ANKFN1: variants seen among roughly 807,000 people sequenced by gnomAD.
ANKFN1 encodes ankyrin repeat and fibronectin type III domain containing 1, also known as ankyrin repeat and fibronectin type-III domain-containing protein 1.
A neutral mutation model predicts 108.7 loss-of-function variants in ANKFN1; 74 were observed. That is an observed-to-expected ratio of 0.68 (90% confidence interval 0.56 to 0.83). The LOEUF (loss-of-function observed/expected upper bound fraction) is 0.83. ANKFN1 is among the 40% of genes least tolerant of loss of function. ANKFN1 has a pLI of 0.00. For synonymous variants in ANKFN1, 547 were observed against 516.2 expected (o/e 1.06, Z -0.81); for missense variants, 1,505 against 1,382.3 (o/e 1.09, Z -1.41).
intron 18 of ANKFN1, among the ~76,000 whole-genome samples, chr17:56,491,043 G>A (rs2051021475): frequency 6.6e-6 from 1 of 152,096 alleles, no homozygotes; most frequent in Non-Finnish European, 1.5e-5. Flanking sequence ...GTGTAGAGAT[G>A]ACCAATGCCC....
At chr17:56,291,304 A>G (rs115457668) in intron 3 of ANKFN1, among the ~76,000 whole-genome samples, 3,176 of 152,226 alleles carry the variant, frequency 0.021, 129 homozygotes, top group African/African-American at 0.071. Flanking sequence ...TTGACTAAAC[A>G]TATGGGATTG....
intron 20 of ANKFN1, among the ~76,000 whole-genome samples, chr17:56,504,864 G>T (rs1340156412): frequency 6.7e-6 from 1 of 149,058 alleles, no homozygotes; most frequent in Non-Finnish European, 1.5e-5. Flanking sequence ...GTAAACACAG[G>T]GTTGCATCAG....
chr17:56,418,874 C>A (rs2048316950), intron 8 of ANKFN1, among the ~76,000 whole-genome samples: 1 of 151,652 alleles, frequency 6.6e-6, no homozygotes, highest in South Asian at 2.1e-4. Context: ...GGTTAATGCA[C>A]CTTGCCCAGG....
Position 56,401,368 on chromosome 17 carries a change from A to ATTGTATTGTATTGTG in ANKFN1, c.910+26658_910+26659insATTGTATTGTGTTGT, listed in dbSNP as rs55888620. 1.8e-3 allele frequency among the ~76,000 whole-genome samples: 246 copies of ATTGTATTGTATTGTG among 135,606 alleles called. 1 individual carries two copies. Among genetic ancestry groups the ATTGTATTGTATTGTG allele is most frequent in the East Asian group, 2.6e-3 (12 of 4,544 alleles). The allele number at this position is 135,606 out of a possible 152,430, so 89.0% of individuals were successfully genotyped here. On this transcript the variant is annotated intron_variant, in intron 8 of 20. Coordinates refer to ENST00000682825, the MANE Select transcript of ANKFN1 (RefSeq NM_001370326.1). ...ATTGTATTGTATTGTATTGTATTGT[A>ATTGTATTGTATTGTG]TTGTGTTGTGTTGTGTTGTGTTGTG...
At chr17:56,129,871 TTTTA>T (rs1907174063) in intron 4 of ANKFN1, among the ~76,000 whole-genome samples, 1 of 152,224 alleles carries the variant, frequency 6.6e-6, no homozygotes. Context: ...AAATTCATGC[TTTTA>T]TTAGTCAAAA....
At chr17:56,069,498 G>C (rs1001345349) in intron 4 of ANKFN1, among the ~76,000 whole-genome samples, 11 of 152,156 alleles carry the variant, frequency 7.2e-5, no homozygotes, top group African/African-American at 2.7e-4. Flanking sequence ...CACTGAATGA[G>C]GTTATATCTC....
chr17:56,255,730 G>A (rs1050549630), intron 3 of ANKFN1, among the ~76,000 whole-genome samples: 7 of 152,150 alleles, frequency 4.6e-5, no homozygotes, highest in African/African-American at 7.2e-5. Flanking sequence ...ATTTACACAC[G>A]CTTGTTAAAT....
chr17:56,064,477 G>A (rs1905029329), intron 4 of ANKFN1, among the ~76,000 whole-genome samples: 1 of 152,202 alleles, frequency 6.6e-6, no homozygotes, highest in African/African-American at 2.4e-5. Flanking sequence ...GAGGAAGGAT[G>A]AGCCAGGGTC....
chr17:56,316,989 G>A (rs1232332033), intron 3 of ANKFN1, among the ~76,000 whole-genome samples: 4 of 152,140 alleles, frequency 2.6e-5, no homozygotes, highest in Admixed American at 1.3e-4. Context: ...AATAACACAC[G>A]TTTAAAGCAG....
At position 56,457,894 on chromosome 17, in the gene ANKFN1, T is replaced by C. The variant is rs752588697; in HGVS notation, c.1472T>C (p.Leu491Pro). Residue 491 changes from leucine to proline, a missense_variant, in exon 14 of 21, where the codon CTG becomes CCG. By Grantham distance (98) the Leu-to-Pro change is moderately conservative. Coordinates refer to ENST00000682825, the MANE Select transcript of ANKFN1 (RefSeq NM_001370326.1). ...LSCMWEDIRW[L>P]RQSIPISSSS... ...TGTATGTGGGAAGATATAAGGTGGC[T>C]GAGGCAAAGCATACCAATATCCTCA... The C allele has an allele frequency of 2.5e-6, 4 of 1,613,942 alleles. No homozygotes were observed. The highest frequency in any genetic ancestry group is 3.4e-6 in the Non-Finnish European group (4 of 1,179,972).
At chr17:56,367,338 GGTTA>G (rs1347360177) in intron 6 of ANKFN1, among the ~76,000 whole-genome samples, 2 of 152,114 alleles carry the variant, frequency 1.3e-5, no homozygotes, top group African/African-American at 4.8e-5. Context: ...GCAATCCATA[GGTTA>G]GATTCTAATG....
intron 8 of ANKFN1, among the ~76,000 whole-genome samples, chr17:56,398,528 T>G (rs368059255): frequency 5.6e-4 from 85 of 152,270 alleles, no homozygotes; most frequent in African/African-American, 1.9e-3. Context: ...TCTATAGCAT[T>G]CCATAATTTC....
In ANKFN1 at chr17:56,052,538, C is replaced by T. The variant is rs564043591; in HGVS notation, c.288+6213C>T. On this transcript the variant is annotated intron_variant, in intron 4 of 12. Transcript: ENST00000635860. Reference sequence around the variant, plus strand: ...GGACTTTCTAAATGATAACACTTCTCAATCTTTAGTGTATTATTGGTTTAA... The same window carrying T: ...GGACTTTCTAAATGATAACACTTCTTAATCTTTAGTGTATTATTGGTTTAA... 2.6e-5 allele frequency among the ~76,000 whole-genome samples: 4 copies of T among 152,316 alleles called. No individual in the cohort carries two copies. In the South Asian group the frequency reaches 8.3e-4, roughly 32 times the overall value.
chr17:56,480,565 C>G (rs1050893464), intron 16 of ANKFN1, 103 bp from the exon 17 acceptor site: 2 of 1,229,824 alleles, frequency 1.6e-6, no homozygotes, highest in Non-Finnish European at 2.3e-6. Context: ...TTTTAACCAC[C>G]AAGCATTGGT....
At chr17:56,286,938 G>C (rs1308306286) in intron 3 of ANKFN1, among the ~76,000 whole-genome samples, 1 of 152,052 alleles carries the variant, frequency 6.6e-6, no homozygotes, top group Non-Finnish European at 1.5e-5. Context: ...TAGGCAAAGG[G>C]TCACCATTCT....
At chr17:56,163,501 T>G (rs1909871383) in intron 1 of ANKFN1, among the ~76,000 whole-genome samples, 1 of 152,216 alleles carries the variant, frequency 6.6e-6, no homozygotes, top group Admixed American at 6.5e-5. Flanking sequence ...GATTCACATT[T>G]TCTCAGCACA....
At chr17:56,497,832 G>T (rs1168188240) in intron 19 of ANKFN1, among the ~76,000 whole-genome samples, 2 of 152,040 alleles carry the variant, frequency 1.3e-5, no homozygotes, top group African/African-American at 2.4e-5. Context: ...GAAGTTAATG[G>T]CTTGCCCAAG....
chr17:56,240,400 C>T (rs1917491835), intron 3 of ANKFN1, among the ~76,000 whole-genome samples: 1 of 152,014 alleles, frequency 6.6e-6, no homozygotes, highest in Non-Finnish European at 1.5e-5. Flanking sequence ...AGGTAGTATT[C>T]CATTGCATGA....
chr17:56,288,741 A>G (rs1180546286), intron 3 of ANKFN1, among the ~76,000 whole-genome samples: 1 of 151,952 alleles, frequency 6.6e-6, no homozygotes, highest in Non-Finnish European at 1.5e-5. Flanking sequence ...AGAGTAGTAG[A>G]CTCCCCAAAA....
Sources: gnomAD v4.1 joint callset for allele counts (sites outside exome capture counted in the v4.1 genomes callset) on GRCh38, gnomAD v4.1.1 for gene constraint, MANE v1.5 for transcripts, NCBI Gene and HGNC (gene_info 2026-07-23, HGNC 2026-07-21) for gene names.